PUM1: variants seen among roughly 807,000 people sequenced by gnomAD.
PUM1 encodes the protein pumilio RNA binding family member 1, also known as pumilio homolog 1.
Under a neutral mutation model 131.8 loss-of-function variants are expected in PUM1, and 13 were observed. The observed-to-expected ratio is 0.10, with a 90% CI of 0.06 to 0.16. PUM1 has a LOEUF of 0.16. PUM1 is among the 10% of genes least tolerant of loss of function. The probability of loss-of-function intolerance (pLI) is 1.00; values close to 1 mark genes in which losing one functional copy is unlikely to be tolerated. For missense variants in PUM1, 961 were observed against 1,512.4 expected (o/e 0.64, Z 6.05); for synonymous variants, 509 against 556.5 (o/e 0.91, Z 1.20).
At chr1:31,034,876 G>A (rs1253597795) in intron 2 of PUM1, among the ~76,000 whole-genome samples, 2 of 152,090 alleles carry the variant, frequency 1.3e-5, no homozygotes, top group Admixed American at 6.6e-5. Context: ...AATCAGAATC[G>A]TTGATGCCAG....
At chr1:31,055,154 C>T (rs1029402223) in intron 2 of PUM1, among the ~76,000 whole-genome samples, 2 of 152,146 alleles carry the variant, frequency 1.3e-5, no homozygotes, top group Admixed American at 6.6e-5. Flanking sequence ...ACCTCCTATC[C>T]GTAACAGTGG....
intron 12 of PUM1, among the ~76,000 whole-genome samples, chr1:30,966,899 C>T (rs1166043970): frequency 6.6e-6 from 1 of 151,966 alleles, no homozygotes; most frequent in Non-Finnish European, 1.5e-5. Flanking sequence ...GTGAGTAATG[C>T]AACTTCTATG....
intron 10 of PUM1, 126 bp from the exon 11 acceptor site, chr1:30,968,618 G>A (rs1640727061): frequency 2.3e-6 from 2 of 887,712 alleles, no homozygotes; most frequent in Non-Finnish European, 3.3e-6. Context: ...GTTTTTATAT[G>A]TCACAGCTGT....
At chr1:31,050,888 T>C in intron 2 of PUM1, 2 of 254,366 alleles carry the variant, frequency 7.9e-6, no homozygotes, top group Admixed American at 3.5e-5. Flanking sequence ...CACCAGCAGC[T>C]CTACTGGAGC....
At chr1:30,935,186 T>C (rs1296752814) in intron 21 of PUM1, among the ~76,000 whole-genome samples, 2 of 152,236 alleles carry the variant, frequency 1.3e-5, no homozygotes, top group African/African-American at 2.4e-5. Context: ...AATATACGTG[T>C]GATTTTGTCA....
At chr1:30,966,900 A>C (rs1053363817) in intron 12 of PUM1, among the ~76,000 whole-genome samples, 8 of 151,742 alleles carry the variant, frequency 5.3e-5, no homozygotes, top group Non-Finnish European at 1.2e-4. Context: ...TGAGTAATGC[A>C]ACTTCTATGT....
chr1:31,044,904 G>GATTCAAACA (rs1643915950), intron 2 of PUM1, among the ~76,000 whole-genome samples: 1 of 152,000 alleles, frequency 6.6e-6, no homozygotes, highest in African/African-American at 2.4e-5. Flanking sequence ...CCGCCTCCCG[G>GATTCAAACA]ATTCAAACAA....
chr1:31,003,873 T>C (rs1384826814), intron 5 of PUM1, among the ~76,000 whole-genome samples: 1 of 152,234 alleles, frequency 6.6e-6, no homozygotes, highest in Non-Finnish European at 1.5e-5. Flanking sequence ...TATCACTCTA[T>C]AGATGCAATC....
intron 18 of PUM1, among the ~76,000 whole-genome samples, chr1:30,944,697 G>A (rs1639597362): frequency 6.6e-6 from 1 of 152,154 alleles, no homozygotes; most frequent in Non-Finnish European, 1.5e-5. Context: ...TAAATTACCT[G>A]AATTTTAAAC....
intron 5 of PUM1, among the ~76,000 whole-genome samples, chr1:31,003,370 C>G (rs1439908719): frequency 6.6e-6 from 1 of 152,134 alleles, no homozygotes; most frequent in Non-Finnish European, 1.5e-5. Context: ...CAGGCTTCCA[C>G]AAAAAGAGCT....
At chr1:30,945,635 A>G (rs529715789) in intron 17 of PUM1, 152 bp from the exon 18 acceptor site, 2 of 780,030 alleles carry the variant, frequency 2.6e-6, no homozygotes, top group African/African-American at 3.5e-5. Context: ...CAACAGGGAA[A>G]CAAATGAGGA....
rs368064338 is a variant in PUM1 at position 30,968,569 on chromosome 1, A to G, written c.1507-77T>C. On this transcript the variant is annotated intron_variant, in intron 10 of 21. Coordinates refer to ENST00000426105, the MANE Select transcript of PUM1 (RefSeq NM_001020658.2). The stretch of plus-strand genomic sequence containing the variant: ...ACCTACCCTATGCTCAGGTTGGGTC[A>G]ACTTTTAAAACTTAATTGTAAATTG... 2.5e-5 allele frequency: 36 copies of G among 1,421,502 alleles called. 1 individual carries two copies. The East Asian group carries it at 5.2e-4, about 20-fold the overall frequency. The allele number at this position is 1,421,502 out of a possible 1,614,324, so 88.1% of individuals were successfully genotyped here. A position where few individuals can be genotyped will look rare whatever the true frequency, so the allele number is the denominator to read the frequency against.
intron 5 of PUM1, among the ~76,000 whole-genome samples, chr1:30,996,655 G>A (rs995092493): frequency 2.0e-5 from 3 of 152,226 alleles, no homozygotes; most frequent in African/African-American, 7.2e-5. Flanking sequence ...GACGGCCATT[G>A]AGATGTGCCC....
chr1:30,996,128 G>C (rs1337597457), intron 5 of PUM1, among the ~76,000 whole-genome samples: 1 of 152,224 alleles, frequency 6.6e-6, no homozygotes. Flanking sequence ...ATAGTACAGA[G>C]AGATTTGCAG....
intron 3 of PUM1, among the ~76,000 whole-genome samples, chr1:31,015,709 T>C (rs574413818): frequency 6.6e-6 from 1 of 150,764 alleles, no homozygotes; most frequent in South Asian, 2.1e-4. Context: ...GTTTCTCTAT[T>C]GTTGCCCAGG....
chr1:30,953,525 G>A (rs961672761), intron 15 of PUM1, among the ~76,000 whole-genome samples, 189 bp downstream of exon 15: 2 of 152,174 alleles, frequency 1.3e-5, no homozygotes, highest in African/African-American at 2.4e-5. Context: ...TAAAGCAGCC[G>A]AAGTGTATGT....
intron 2 of PUM1, among the ~76,000 whole-genome samples, chr1:31,030,073 C>T (rs1298585968): frequency 6.6e-6 from 1 of 151,450 alleles, no homozygotes; most frequent in African/African-American, 2.4e-5. Context: ...AAAAATTAGC[C>T]GGGCGTGGTG....
At position 31,059,379 on chromosome 1, in the gene PUM1, C is replaced by A; in HGVS notation, c.188G>T (p.Ser63Ile). 7 of 1,614,144 alleles carry A rather than the reference C, an allele frequency of 4.3e-6. No individual in the cohort carries two copies. The highest frequency in any genetic ancestry group is 1.3e-5 in the African/African-American group (1 of 75,036). Residue 63 changes from serine to isoleucine, a missense_variant, in exon 2 of 22, where the codon AGC becomes ATC. Physicochemically the swap from Ser to Ile is moderately radical, Grantham distance 142. Transcript: ENST00000426105. ...AACTCCTATAGATCCTGGGACAGGG[C>A]TGGAGTGAGTCCCAGCTGCAAGAGC... ...NQALAAGTHS[S>I]PVPGSIGVAG...
chr1:30,955,464 G>GAA (rs201119840), intron 14 of PUM1, among the ~76,000 whole-genome samples: 95 of 122,068 alleles, frequency 7.8e-4, no homozygotes, highest in Middle Eastern at 8.3e-3. Context: ...GACTCCATCT[G>GAA]AAAAAAAAAA....
Sources: allele counts gnomAD v4.1 joint callset (sites outside exome capture counted in the v4.1 genomes callset), GRCh38; gene constraint gnomAD v4.1.1; transcripts MANE v1.5; gene names NCBI Gene and HGNC (gene_info 2026-07-23, HGNC 2026-07-21).